The following ITPR1 variants were observed in gnomAD, a reference collection of about 807,000 sequenced individuals.
ITPR1 encodes inositol 1,4,5-trisphosphate-gated calcium channel ITPR1.
In ITPR1, 96 loss-of-function variants were observed where a neutral mutation model predicts 318.4. The ratio of observed to expected loss-of-function variants is 0.30; its 90% CI spans 0.26 to 0.36. The LOEUF is 0.36. Among genes scored for constraint, ITPR1 ranks in the 10% least tolerant of loss-of-function variants. The probability of loss-of-function intolerance (pLI) is 1.00; values close to 1 mark genes in which losing one functional copy is unlikely to be tolerated. For synonymous variants in ITPR1, 1,312 were observed against 1,289.9 expected (o/e 1.02, Z -0.37); for missense variants, 2,440 against 3,460.2 (o/e 0.71, Z 7.40).
intron 37 of ITPR1, among the ~76,000 whole-genome samples, chr3:4,706,694 T>G (rs2094764760): frequency 6.6e-6 from 1 of 152,182 alleles, no homozygotes; most frequent in Non-Finnish European, 1.5e-5. Flanking sequence ...ACTCTGGGGT[T>G]ATTTAGCCTC....
rs2041242872 is a variant in ITPR1 at position 4,710,131 on chromosome 3, G to C, written c.4843-194G>C. Among the ~76,000 whole-genome samples, 4 of 152,182 alleles carry C rather than the reference G, an allele frequency of 2.6e-5. No individual in the cohort carries two copies. In the South Asian group the frequency reaches 8.3e-4, roughly 32 times the overall value. On this transcript the variant is annotated intron_variant, in intron 37 of 61. Coordinates refer to ENST00000649015, the MANE Select transcript of ITPR1 (RefSeq NM_001378452.1). The surrounding 1 kb of genome is among the most constrained non-coding windows in gnomAD (Gnocchi z 4.2). Reference sequence around the variant, plus strand: ...GGGAAAGTTGACTTGTTTTCACTTTGTTTTCTGCATCAGAGGCTAATGTTT... The same window carrying C: ...GGGAAAGTTGACTTGTTTTCACTTTCTTTTCTGCATCAGAGGCTAATGTTT...
At chr3:4,611,266 A>C (rs983621349) in intron 4 of ITPR1, among the ~76,000 whole-genome samples, 3 of 148,380 alleles carry the variant, frequency 2.0e-5, no homozygotes, top group Non-Finnish European at 4.4e-5. Flanking sequence ...ATATATGTAC[A>C]AAAATTAGCC....
chr3:4,574,326 A>G (rs182843062), intron 4 of ITPR1, among the ~76,000 whole-genome samples: 8 of 152,038 alleles, frequency 5.3e-5, no homozygotes, highest in Admixed American at 5.2e-4. Context: ...ACCTGCAGTC[A>G]CATTTCCTGT....
At chr3:4,755,427 T>G (rs2044894199) in intron 44 of ITPR1, among the ~76,000 whole-genome samples, 1 of 149,930 alleles carries the variant, frequency 6.7e-6, no homozygotes, top group Non-Finnish European at 1.5e-5. Flanking sequence ...TTTTTAGACA[T>G]GGGGTCTTGC....
intron 4 of ITPR1, among the ~76,000 whole-genome samples, chr3:4,577,496 C>T (rs538809980): frequency 6.6e-6 from 1 of 152,238 alleles, no homozygotes; most frequent in Non-Finnish European, 1.5e-5. Flanking sequence ...GAGCAGAAGT[C>T]TTTTGGGTCA....
At chr3:4,841,276 G>GTAGTA (rs938484631) in intron 61 of ITPR1, among the ~76,000 whole-genome samples, 1 of 152,192 alleles carries the variant, frequency 6.6e-6, no homozygotes, top group African/African-American at 2.4e-5. Context: ...AAGTAGGTAG[G>GTAGTA]TAGTGGTCCT....
Position 4,775,251 on chromosome 3 carries a change from C to T in ITPR1, c.5989C>T (p.Arg1997Cys), listed in dbSNP as rs1559874798. 3.7e-6 allele frequency: 6 copies of T among 1,613,610 alleles called. No individual in the cohort carries two copies. Among genetic ancestry groups the T allele is most frequent in the Non-Finnish European group, 5.1e-6 (6 of 1,179,620 alleles). The stretch of plus-strand genomic sequence containing the variant: ...GACTACCCAATTGCAGAACTTCCTC[C>T]GTTGCCAAAATAACAAGACCAACTA... ...NHNRDLQNFL[R>C]CQNNKTNYNL... The change falls in exon 47 of 62, where the codon CGT (arginine) becomes TGT (cysteine). Residue 1997 changes from arginine to cysteine, a missense_variant. Transcript: ENST00000649015.
chr3:4,753,921 GT>G, intron 44 of ITPR1, among the ~76,000 whole-genome samples: 1 of 152,168 alleles, frequency 6.6e-6, no homozygotes, highest in African/African-American at 2.4e-5. Context: ...GAGGATGGAA[GT>G]TAATAAATGA....
chr3:4,782,439 G>T (rs2046896358), intron 49 of ITPR1, 180 bp from the exon 50 acceptor site: 2 of 487,988 alleles, frequency 4.1e-6, no homozygotes, highest in Non-Finnish European at 3.6e-6. Context: ...GAGGTGGATT[G>T]GTATTGATGG....
intron 2 of ITPR1, among the ~76,000 whole-genome samples, chr3:4,505,024 G>C (rs2081301347): frequency 6.6e-6 from 1 of 151,490 alleles, no homozygotes; most frequent in Admixed American, 6.6e-5. Context: ...TCGTTAACCT[G>C]CCCTGCTGGG....
At chr3:4,612,028 C>CAAATA (rs982729302) in intron 4 of ITPR1, among the ~76,000 whole-genome samples, 1 of 146,884 alleles carries the variant, frequency 6.8e-6, no homozygotes, top group African/African-American at 2.5e-5. Flanking sequence ...AAAAATAATA[C>CAAATA]AAATAAAATT....
chr3:4,711,411 C>A (rs1279052238), intron 38 of ITPR1, among the ~76,000 whole-genome samples: 1 of 151,942 alleles, frequency 6.6e-6, no homozygotes, highest in Non-Finnish European at 1.5e-5. Context: ...GCATATTTGA[C>A]CCATTTTACT....
chr3:4,696,668 CGT>C (rs1420005754), intron 33 of ITPR1, among the ~76,000 whole-genome samples: 3 of 125,510 alleles, frequency 2.4e-5, no homozygotes, highest in African/African-American at 6.1e-5. Context: ...AGCCCCTTGC[CGT>C]GTGTTTTTTT....
chr3:4,683,578 T>C (rs1372688234), intron 27 of ITPR1, 27 bp downstream of exon 27: 1 of 1,613,758 alleles, frequency 6.2e-7, no homozygotes, highest in Non-Finnish European at 8.5e-7. Context: ...ACGTGTGTGT[T>C]GTCTGTCCAA....
intron 4 of ITPR1, among the ~76,000 whole-genome samples, chr3:4,605,116 C>G (rs775664648): frequency 1.6e-4 from 24 of 151,920 alleles, no homozygotes; most frequent in African/African-American, 3.4e-4. Context: ...GGATTAGAGG[C>G]ACACGCCACC....
rs1478520820 is a variant in ITPR1, at chr3:4,715,200, C to T, written c.5104-2167C>T. Among the ~76,000 whole-genome samples, 3 of 152,210 alleles carry T rather than the reference C, an allele frequency of 2.0e-5. No homozygotes were observed. In the East Asian group the frequency reaches 5.8e-4, roughly 29 times the overall value. On this transcript the variant is annotated intron_variant, in intron 39 of 61. Transcript: ENST00000649015. ...ACAGTCCGATCCTAGAGTCCTAGCT[C>T]TTCACCACTGCATTATCAGTGAACA...
Position 4,573,424 on chromosome 3 carries a change from C to G in ITPR1, c.163+52330C>G, listed in dbSNP as rs114032255. 3.4e-3 allele frequency among the ~76,000 whole-genome samples: 514 copies of G among 152,310 alleles called. 7 individuals are homozygous for G. Among genetic ancestry groups the G allele is most frequent in the African/African-American group, 0.012 (489 of 41,560 alleles). On this transcript the variant is annotated intron_variant, in intron 4 of 61. Coordinates refer to ENST00000649015, the MANE Select transcript of ITPR1 (RefSeq NM_001378452.1). ...ATGATACTAGTCTTCTCACTGGTCT[C>G]CTGGTCTCAATCCTTGCCCCCCTAC...
chr3:4,739,495 C>T (rs574384493), intron 44 of ITPR1, among the ~76,000 whole-genome samples: 1 of 152,188 alleles, frequency 6.6e-6, no homozygotes, highest in Admixed American at 6.5e-5. Context: ...GGTTCTGCAT[C>T]TGTGGATTCA....
chr3:4,677,262 G>GA (rs557580195), intron 24 of ITPR1, among the ~76,000 whole-genome samples: 11 of 152,156 alleles, frequency 7.2e-5, no homozygotes, highest in Non-Finnish European at 1.3e-4. Flanking sequence ...GTCCAGCAAT[G>GA]AAAAAAATAG....
Sources: allele counts gnomAD v4.1 joint callset (sites outside exome capture counted in the v4.1 genomes callset), GRCh38; gene constraint gnomAD v4.1.1; non-coding constraint Gnocchi (gnomAD v3.1); transcripts MANE v1.5; gene names NCBI Gene and HGNC (gene_info 2026-07-23, HGNC 2026-07-21).